The following TRPC4 variants were observed in gnomAD, a reference collection of about 807,000 sequenced individuals.
TRPC4 encodes short transient receptor potential channel 4.
Under a neutral mutation model 99.4 loss-of-function variants are expected in TRPC4, and 49 were observed. The observed-to-expected ratio is 0.49, with a 90% CI of 0.39 to 0.63. The LOEUF (loss-of-function observed/expected upper bound fraction) is 0.63, where lower values mean the gene tolerates loss of function less well. Ranked by LOEUF, TRPC4 falls within the 20% of genes least tolerant of loss-of-function variation. The pLI, the probability that TRPC4 is intolerant of heterozygous loss-of-function variation, is 0.00. For synonymous variants in TRPC4, 454 were observed against 425.9 expected, an observed-to-expected ratio of 1.07 and a Z score of -0.81; for missense variants, 898 against 1,152.9, an observed-to-expected ratio of 0.78 and a Z score of 3.20.
intron 1 of TRPC4, among the ~76,000 whole-genome samples, chr13:37,849,020 C>T (rs1465320370): frequency 6.6e-6 from 1 of 152,030 alleles, no homozygotes; most frequent in Non-Finnish European, 1.5e-5. Context: ...TCTTTTTCTC[C>T]AGATGTGACA....
At chr13:37,851,511 T>C (rs556646072) in intron 1 of TRPC4, among the ~76,000 whole-genome samples, 4 of 152,242 alleles carry the variant, frequency 2.6e-5, no homozygotes, top group African/African-American at 9.6e-5. Context: ...ATAAATCAAA[T>C]GGAAATACTA....
chr13:37,814,746 A>T (rs577111920), intron 1 of TRPC4, among the ~76,000 whole-genome samples: 5 of 151,786 alleles, frequency 3.3e-5, no homozygotes, highest in Non-Finnish European at 7.4e-5. Context: ...TGTAAAAATG[A>T]CACTAATCAT....
At chr13:37,852,595 AGG>A (rs542477647) in intron 1 of TRPC4, among the ~76,000 whole-genome samples, 369 of 152,268 alleles carry the variant, frequency 2.4e-3, no homozygotes, top group Admixed American at 4.6e-3. Flanking sequence ...GGAAAAGTAA[AGG>A]GGAAATTTTC....
At chr13:37,718,778 T>C (rs1158983820) in intron 3 of TRPC4, among the ~76,000 whole-genome samples, 1 of 152,098 alleles carries the variant, frequency 6.6e-6, no homozygotes, top group East Asian at 1.9e-4. Context: ...GAACCTTAAG[T>C]ATCCATGGGA....
intron 8 of TRPC4, among the ~76,000 whole-genome samples, chr13:37,643,238 T>C (rs939827060): frequency 2.6e-5 from 4 of 152,136 alleles, no homozygotes; most frequent in African/African-American, 9.7e-5. Context: ...GTAGGGCTAA[T>C]TTAAGGTATA....
At chr13:37,784,312 A>AT (rs144481246) in intron 1 of TRPC4, among the ~76,000 whole-genome samples, 28 of 152,064 alleles carry the variant, frequency 1.8e-4, no homozygotes, top group African/African-American at 6.3e-4. Flanking sequence ...ATTCATTATA[A>AT]TTTTTTTATT....
intron 2 of TRPC4, among the ~76,000 whole-genome samples, chr13:37,747,897 C>T (rs184169181): frequency 6.6e-6 from 1 of 152,186 alleles, no homozygotes; most frequent in East Asian, 1.9e-4. Context: ...CACTTTGAGG[C>T]CACTGTGAAG....
chr13:37,691,364 A>G (rs560918094), intron 4 of TRPC4, among the ~76,000 whole-genome samples: 1 of 152,298 alleles, frequency 6.6e-6, no homozygotes, highest in Non-Finnish European at 1.5e-5. Flanking sequence ...TCGGCCTCCC[A>G]AAGTGCTGGG....
intron 2 of TRPC4, among the ~76,000 whole-genome samples, chr13:37,753,575 AAGAGAGAGAGAG>A (rs61394712): frequency 1.9e-4 from 26 of 137,372 alleles, no homozygotes; most frequent in African/African-American, 7.0e-4. Flanking sequence ...GAGAGAGAGA[AAGAGAGAGAGAG>A]AGAGAGAGAG....
chr13:37,844,026 T>C (rs1379832345), intron 1 of TRPC4, among the ~76,000 whole-genome samples: 1 of 152,180 alleles, frequency 6.6e-6, no homozygotes, highest in Non-Finnish European at 1.5e-5. Context: ...AAAAATAAGT[T>C]GGAAGCAAAC....
chr13:37,674,683 T>A (rs183354888), intron 4 of TRPC4, among the ~76,000 whole-genome samples: 108 of 152,302 alleles, frequency 7.1e-4, no homozygotes, highest in African/African-American at 2.4e-3. Flanking sequence ...GAAAATAACA[T>A]TTTCTTAAAA....
intron 1 of TRPC4, among the ~76,000 whole-genome samples, chr13:37,862,421 T>G (rs1471597995): frequency 1.3e-5 from 2 of 151,630 alleles, no homozygotes; most frequent in Non-Finnish European, 3.0e-5. Flanking sequence ...TAATGCTATT[T>G]AAATTTAACA....
At chr13:37,820,118 C>G (rs927007399) in intron 1 of TRPC4, among the ~76,000 whole-genome samples, 2 of 151,924 alleles carry the variant, frequency 1.3e-5, no homozygotes, top group African/African-American at 4.8e-5. Context: ...TATATTACCA[C>G]CAACCTCACA....
At chr13:37,779,169 A>G (rs180841447) in intron 2 of TRPC4, among the ~76,000 whole-genome samples, 1 of 152,240 alleles carries the variant, frequency 6.6e-6, no homozygotes, top group East Asian at 1.9e-4. Context: ...CTGAAATTAA[A>G]TCTGGACTTA....
intron 4 of TRPC4, among the ~76,000 whole-genome samples, chr13:37,686,089 G>A (rs1405943298): frequency 6.6e-6 from 1 of 152,072 alleles, no homozygotes; most frequent in African/African-American, 2.4e-5. Context: ...TGAGCACCAC[G>A]ACAAGGGAGG....
intron 2 of TRPC4, among the ~76,000 whole-genome samples, chr13:37,773,436 C>T (rs1956610646): frequency 6.6e-6 from 1 of 151,840 alleles, no homozygotes; most frequent in African/African-American, 2.4e-5. Flanking sequence ...CACTCATGCA[C>T]ATGCATTTAT....
intron 3 of TRPC4, among the ~76,000 whole-genome samples, chr13:37,719,089 A>G (rs1954776568): frequency 6.6e-6 from 1 of 152,238 alleles, no homozygotes; most frequent in Non-Finnish European, 1.5e-5. Flanking sequence ...CTGACATTTC[A>G]TCAGAAATAT....
intron 5 of TRPC4, among the ~76,000 whole-genome samples, chr13:37,669,998 A>C (rs1421381801): frequency 6.6e-6 from 1 of 152,172 alleles, no homozygotes; most frequent in Non-Finnish European, 1.5e-5. Context: ...GTGGGCTTTC[A>C]TGATGAGATT....
At chr13:37,674,659 A>G (rs1179275098) in intron 4 of TRPC4, among the ~76,000 whole-genome samples, 5 of 152,148 alleles carry the variant, frequency 3.3e-5, no homozygotes, top group Admixed American at 2.0e-4. Context: ...CTTTATAACT[A>G]TATATTTCCC....
Sources: gnomAD v4.1 joint callset for allele counts (sites outside exome capture counted in the v4.1 genomes callset) on GRCh38, gnomAD v4.1.1 for gene constraint, MANE v1.5 for transcripts, NCBI Gene and HGNC (gene_info 2026-07-23, HGNC 2026-07-21) for gene names.